LOC128462377: variants seen among roughly 807,000 people sequenced by gnomAD.
the LOC128462377 span, among the ~76,000 whole-genome samples, chr16:89,318,368 T>A: frequency 6.6e-6 from 1 of 152,176 alleles, no homozygotes; most frequent in Non-Finnish European, 1.5e-5. Flanking sequence ...TGTCCCCCCA[T>A]CATGTCCTCG....
the LOC128462377 span, chr16:89,395,572 T>C: frequency 2.0e-5 from 3 of 152,228 alleles, no homozygotes; most frequent in African/African-American, 7.2e-5. Context: ...CAATGGGCCA[T>C]CACATTGGAA....
At chr16:89,334,373 A>C in the LOC128462377 span, among the ~76,000 whole-genome samples, 1 of 152,000 alleles carries the variant, frequency 6.6e-6, no homozygotes, top group Non-Finnish European at 1.5e-5. Context: ...GAACAGAAAC[A>C]ACCTCCTCTC....
chr16:89,375,053 A>G, the LOC128462377 span, among the ~76,000 whole-genome samples: 1 of 152,166 alleles, frequency 6.6e-6, no homozygotes, highest in Non-Finnish European at 1.5e-5. Flanking sequence ...TACAGACTGT[A>G]CATGGCATCG....
At chr16:89,410,305 A>G in the LOC128462377 span, among the ~76,000 whole-genome samples, 1 of 152,202 alleles carries the variant, frequency 6.6e-6, no homozygotes, top group Non-Finnish European at 1.5e-5. Context: ...TTAGTAAGCC[A>G]CCAGGATTTG....
chr16:89,416,037 C>T, the LOC128462377 span, among the ~76,000 whole-genome samples: 3 of 151,854 alleles, frequency 2.0e-5, no homozygotes, highest in Non-Finnish European at 4.4e-5. Flanking sequence ...TCAATCTAAC[C>T]ACCACAGGCA....
chr16:89,336,736 C>T, the LOC128462377 span, among the ~76,000 whole-genome samples: 1 of 152,286 alleles, frequency 6.6e-6, no homozygotes, highest in South Asian at 2.1e-4. Flanking sequence ...CCACTCTCTA[C>T]CTATCTGCTT....
the LOC128462377 span, chr16:89,372,720 A>C: frequency 6.6e-6 from 1 of 152,196 alleles, no homozygotes; most frequent in African/African-American, 2.4e-5. Context: ...GTAAACGCTG[A>C]GCCCGGGGAC....
At chr16:89,402,172 C>T in the LOC128462377 span, among the ~76,000 whole-genome samples, 5 of 152,274 alleles carry the variant, frequency 3.3e-5, no homozygotes, top group East Asian at 1.9e-4. Flanking sequence ...GTAAGGAGGA[C>T]GACCTACAGT....
At chr16:89,370,825 A>G in the LOC128462377 span, 1 of 152,736 alleles carries the variant, frequency 6.5e-6, no homozygotes, top group Non-Finnish European at 1.5e-5. Flanking sequence ...GACGACCCCC[A>G]GGCCGGCTCC....
At chr16:89,334,434 T>C in the LOC128462377 span, among the ~76,000 whole-genome samples, 1 of 152,142 alleles carries the variant, frequency 6.6e-6, no homozygotes, top group Non-Finnish European at 1.5e-5. Flanking sequence ...TGCCATTCTC[T>C]GAGGAGTCCT....
the LOC128462377 span, among the ~76,000 whole-genome samples, chr16:89,405,292 T>C: frequency 6.6e-6 from 1 of 152,168 alleles, no homozygotes; most frequent in East Asian, 1.9e-4. Context: ...CTGTATTCTG[T>C]AGGGCACATT....
chr16:89,413,396 T>C, the LOC128462377 span, among the ~76,000 whole-genome samples: 2 of 152,138 alleles, frequency 1.3e-5, no homozygotes, highest in East Asian at 3.9e-4. Context: ...GAGGCTGAGG[T>C]GGGCAGATCA....
the LOC128462377 span, among the ~76,000 whole-genome samples, chr16:89,416,192 C>G: frequency 1.3e-5 from 2 of 152,184 alleles, no homozygotes; most frequent in Non-Finnish European, 2.9e-5. Context: ...ATCTATTGTT[C>G]TCAATCCACT....
chr16:89,399,163 G>C, the LOC128462377 span, among the ~76,000 whole-genome samples: 2 of 152,242 alleles, frequency 1.3e-5, no homozygotes, highest in Non-Finnish European at 2.9e-5. Flanking sequence ...ACGAGTCCAC[G>C]CAAGGACACC....
chr16:89,397,149 AC>A, the LOC128462377 span, among the ~76,000 whole-genome samples: 2 of 152,104 alleles, frequency 1.3e-5, no homozygotes, highest in African/African-American at 4.8e-5. Context: ...CAGCAGACAT[AC>A]CCACAGAGCC....
chr16:89,352,370 G>A, the LOC128462377 span, among the ~76,000 whole-genome samples: 124 of 151,650 alleles, frequency 8.2e-4, 2 homozygotes, highest in South Asian at 0.024. Context: ...AATGTCTCAA[G>A]GCAGCCCCCC....
chr16:89,350,117 C>G, the LOC128462377 span, among the ~76,000 whole-genome samples: 1 of 152,292 alleles, frequency 6.6e-6, no homozygotes, highest in Middle Eastern at 3.4e-3. Context: ...TCATTTGTCA[C>G]TAGGGCACTG....
the LOC128462377 span, among the ~76,000 whole-genome samples, chr16:89,363,453 T>C: frequency 1.0e-3 from 150 of 149,660 alleles, no homozygotes; most frequent in Middle Eastern, 3.4e-3. Context: ...TGTGCACATG[T>C]ACCCTAAAAG....
At chr16:89,382,247 TA>T in the LOC128462377 span, among the ~76,000 whole-genome samples, 2 of 151,940 alleles carry the variant, frequency 1.3e-5, no homozygotes, top group Admixed American at 1.3e-4. Context: ...CAAGCAAAGT[TA>T]AAAGGTGTCT....
Sources: allele counts gnomAD v4.1 joint callset (sites outside exome capture counted in the v4.1 genomes callset), GRCh38; gene constraint gnomAD v4.1.1; transcripts MANE v1.5.